Variants in EDDM13 observed in about 807,000 individuals in gnomAD.
The protein encoded by EDDM13 is epididymal protein 13.
Under a neutral mutation model 17.8 loss-of-function variants are expected in EDDM13, and 24 were observed. That is an observed-to-expected ratio of 1.35 (90% CI 0.98 to 1.90). EDDM13 has a LOEUF of 1.90. Among genes scored for constraint, EDDM13 ranks in the 40% most tolerant of loss-of-function variants. The pLI, the probability that EDDM13 is intolerant of heterozygous loss-of-function variation, is 0.00. For missense variants in EDDM13, 97 were observed against 100.8 expected (o/e 0.96, Z 0.16); for synonymous variants, 31 against 37.5 (o/e 0.83, Z 0.63).
At chr19:56,306,296 G>GCGTCGC (rs2040684120) in intron 14 of EDDM13, among the ~76,000 whole-genome samples, 1 of 143,454 alleles carries the variant, frequency 7.0e-6, no homozygotes, top group Admixed American at 7.0e-5. Context: ...GGCCTCTCCC[G>GCGTCGC]CATCGCCAGA....
intron 6 of EDDM13, chr19:56,286,488 C>T (rs1245361068): frequency 6.6e-6 from 1 of 152,108 alleles, no homozygotes; most frequent in African/African-American, 2.4e-5. Flanking sequence ...AGTCAATAAA[C>T]TTGAAAAAGT....
At chr19:56,278,551 T>TGAA (rs1214838159) in intron 2 of EDDM13, among the ~76,000 whole-genome samples, 1 of 152,188 alleles carries the variant, frequency 6.6e-6, no homozygotes, top group Non-Finnish European at 1.5e-5. Context: ...GACAGAACCA[T>TGAA]GAAGATATAC....
intron 2 of EDDM13, chr19:56,280,664 G>T (rs2038623253): frequency 6.6e-6 from 1 of 152,138 alleles, no homozygotes; most frequent in Non-Finnish European, 1.5e-5. Flanking sequence ...AAGATTGAGG[G>T]GTTGGCATCT....
chr19:56,291,861 G>A (rs898531567), intron 9 of EDDM13, among the ~76,000 whole-genome samples: 1 of 152,176 alleles, frequency 6.6e-6, no homozygotes, highest in East Asian at 1.9e-4. Flanking sequence ...ATGCCATGAT[G>A]AGGATGGTGA....
intron 14 of EDDM13, among the ~76,000 whole-genome samples, chr19:56,308,360 G>C (rs1028779383): frequency 1.1e-4 from 16 of 143,744 alleles, no homozygotes; most frequent in African/African-American, 3.9e-4. Flanking sequence ...GGCTCACTCT[G>C]TCACCCAGGC....
At chr19:56,284,753 A>T (rs2038977187) in intron 5 of EDDM13, among the ~76,000 whole-genome samples, 1 of 151,956 alleles carries the variant, frequency 6.6e-6, no homozygotes, top group African/African-American at 2.4e-5. Flanking sequence ...ACCTCAGGTG[A>T]TCCACCCACC....
Position 56,272,758 on chromosome 19 carries a change from C to G in EDDM13, c.-77C>G, listed in dbSNP as rs1568676932. ...TGGGCAGTTAGTTTTGTCCCTGGAGCCTGGGAAGACGGTGGGTGACCAGAG... is the reference window on the plus strand; with the variant it reads ...TGGGCAGTTAGTTTTGTCCCTGGAGGCTGGGAAGACGGTGGGTGACCAGAG... On this transcript the variant is annotated 5_prime_UTR_variant, in exon 1 of 15. Coordinates refer to ENST00000649256, the MANE Select transcript of EDDM13 (RefSeq NM_001354658.2). 1.9e-5 allele frequency: 10 copies of G among 536,274 alleles called. No homozygotes were observed. Among genetic ancestry groups the G allele is most frequent in the Non-Finnish European group, 2.1e-5 (9 of 419,706 alleles). 33.2% of individuals were successfully genotyped at this position (536,274 alleles called of 1,614,324 possible).
intron 14 of EDDM13, among the ~76,000 whole-genome samples, chr19:56,308,426 C>T (rs1254364823): frequency 5.3e-5 from 8 of 152,014 alleles, no homozygotes; most frequent in East Asian, 1.9e-4. Context: ...CAGGTTCAAA[C>T]GATTCTCCTG....
chr19:56,289,580 C>T (rs941465122), intron 8 of EDDM13, among the ~76,000 whole-genome samples: 2 of 152,172 alleles, frequency 1.3e-5, no homozygotes, highest in Non-Finnish European at 2.9e-5. Flanking sequence ...TTGGACCACA[C>T]AAATGTTTCT....
chr19:56,281,267 G>C (rs955794815), intron 2 of EDDM13, among the ~76,000 whole-genome samples: 1 of 152,134 alleles, frequency 6.6e-6, no homozygotes, highest in African/African-American at 2.4e-5. Context: ...TTCTGTCTCA[G>C]GGGTGGCAGA....
At chr19:56,280,483 A>G (rs1292382011) in intron 2 of EDDM13, 1 of 152,184 alleles carries the variant, frequency 6.6e-6, no homozygotes, top group Non-Finnish European at 1.5e-5. Flanking sequence ...CTGTAGGATT[A>G]TACATGGAAA....
In EDDM13 at chr19:56,297,541, T is replaced by G. The variant is rs2039959324; in HGVS notation, c.295+10T>G. 11 of 984,580 alleles carry G rather than the reference T, an allele frequency of 1.1e-5. No individual in the cohort carries two copies. Among genetic ancestry groups the G allele is most frequent in the Non-Finnish European group, 1.3e-5 (11 of 829,382 alleles). The allele number at this position is 984,580 out of a possible 1,614,324, so 61.0% of individuals were successfully genotyped here. A position where few individuals can be genotyped will look rare whatever the true frequency, so the allele number is the denominator to read the frequency against. On this transcript the variant is annotated intron_variant, in intron 12 of 14. Coordinates refer to ENST00000649256, the MANE Select transcript of EDDM13 (RefSeq NM_001354658.2). The stretch of plus-strand genomic sequence containing the variant: ...GGCTGCAAGGAGGAAGGTAAGTGCT[T>G]GGGGTCGTACCATTCCTCATCTATA...
At chr19:56,304,987 C>T (rs1045197198) in intron 14 of EDDM13, among the ~76,000 whole-genome samples, 157 bp downstream of exon 14, 2 of 152,150 alleles carry the variant, frequency 1.3e-5, no homozygotes, top group African/African-American at 4.8e-5. Flanking sequence ...AAGTTCGTCA[C>T]CCTTACTTGC....
At position 56,278,101 on chromosome 19, in the gene EDDM13, A is replaced by G. The variant is rs76204740; in HGVS notation, c.103+1992A>G. ...CTGCTTCAGTCTGTCACAATGTGCT[A>G]TTTTTTTTTTTTTTAGCTTTATGTG... is the stretch of plus-strand genomic sequence containing the variant. On this transcript the variant is annotated intron_variant, in intron 2 of 14. Coordinates refer to ENST00000649256, the MANE Select transcript of EDDM13 (RefSeq NM_001354658.2). Among the ~76,000 whole-genome samples, 1,054 of 144,914 alleles carry G rather than the reference A, an allele frequency of 7.3e-3. 9 individuals are homozygous for G. The highest frequency in any genetic ancestry group is 0.026 in the African/African-American group (997 of 38,820).
chr19:56,301,391 G>A (rs1369040386), intron 12 of EDDM13, among the ~76,000 whole-genome samples: 1 of 152,090 alleles, frequency 6.6e-6, no homozygotes, highest in Non-Finnish European at 1.5e-5. Flanking sequence ...GAACTGTCAT[G>A]GTACTGGTGG....
intron 9 of EDDM13, among the ~76,000 whole-genome samples, chr19:56,292,654 C>CT (rs1193195336): frequency 6.6e-6 from 1 of 151,968 alleles, no homozygotes; most frequent in Non-Finnish European, 1.5e-5. Flanking sequence ...ACCATCACCA[C>CT]TGACTCCAGA....
chr19:56,279,108 A>T lies in EDDM13; in HGVS notation c.104-2585A>T, dbSNP rs1329529640. 5.9e-5 allele frequency among the ~76,000 whole-genome samples: 9 copies of T among 152,324 alleles called. No individual in the cohort carries two copies. The South Asian group carries it at 1.4e-3, about 25-fold the overall frequency. On this transcript the variant is annotated intron_variant, in intron 2 of 14. Coordinates refer to ENST00000649256, the MANE Select transcript of EDDM13 (RefSeq NM_001354658.2). ...GGATGGACTCAGTGCCTACTGAAGC[A>T]TTGAGAATAAACGTCTTACTGCTAT...
rs2040265254 is a variant in EDDM13, at chr19:56,301,995, C to T, written c.323C>T (p.Ser108Phe). ...EVKPFSGTTPSRKPLPKRKNT... is the reference protein window; with the variant it reads ...EVKPFSGTTPFRKPLPKRKNT... Reference sequence around the variant, plus strand: ...AAACCCTTCTCAGGCACCACCCCATCCAGGAAACCACTCCCCAAGAGGAAG... The same window carrying T: ...AAACCCTTCTCAGGCACCACCCCATTCAGGAAACCACTCCCCAAGAGGAAG... Residue 108 changes from serine to phenylalanine, a missense_variant, in exon 13 of 15, where the codon TCC (serine) becomes TTC (phenylalanine). Coordinates refer to ENST00000649256, the MANE Select transcript of EDDM13 (RefSeq NM_001354658.2). 1 of 1,232,106 alleles carries T rather than the reference C, an allele frequency of 8.1e-7. No individual in the cohort carries two copies. Among genetic ancestry groups the T allele is most frequent in the East Asian group, 3.2e-5 (1 of 31,706 alleles). 76.3% of individuals were successfully genotyped at this position (1,232,106 alleles called of 1,614,324 possible). A position where few individuals can be genotyped will look rare whatever the true frequency, so the allele number is the denominator to read the frequency against.
At chr19:56,279,314 G>C (rs78757253) in intron 2 of EDDM13, among the ~76,000 whole-genome samples, 88 of 152,162 alleles carry the variant, frequency 5.8e-4, no homozygotes, top group South Asian at 4.4e-3. Context: ...CTGCAAGACT[G>C]TAAGTTCCTA....
Sources: allele counts gnomAD v4.1 joint callset (sites outside exome capture counted in the v4.1 genomes callset), GRCh38; gene constraint gnomAD v4.1.1; transcripts MANE v1.5; gene names NCBI Gene and HGNC (gene_info 2026-07-23, HGNC 2026-07-21).